POLR1C: variants seen among roughly 807,000 people sequenced by gnomAD.
The protein encoded by POLR1C is RNA polymerase I and III subunit C.
A neutral mutation model predicts 38.3 loss-of-function variants in POLR1C; 42 were observed. That is an observed-to-expected ratio of 1.10 (90% CI 0.86 to 1.42). The LOEUF (loss-of-function observed/expected upper bound fraction) is 1.42, where lower values mean the gene tolerates loss of function less well. Among genes scored for constraint, POLR1C ranks in the 40% most tolerant of loss-of-function variants. The pLI is 0.00. For synonymous variants in POLR1C, 163 were observed against 163.9 expected (o/e 0.99, Z 0.04); for missense variants, 507 against 450.5 (o/e 1.13, Z -1.14).
At chr6:43,535,745 C>T (rs1794273251) in intron 9 of POLR1C, among the ~76,000 whole-genome samples, 2 of 146,746 alleles carry the variant, frequency 1.4e-5, no homozygotes, top group Non-Finnish European at 3.0e-5. Flanking sequence ...ACCCGGGAGG[C>T]GGAGCTTGCA....
rs908639520 is a variant in POLR1C, at chr6:43,528,298, G to A, written c.923-951G>A. ...CAAGTCCACTTCATGATTAAAATTA[G>A]CCAAGGATGATTCTAGGCATCAATG... On this transcript the variant is annotated intron_variant, in intron 8 of 8. Coordinates refer to the POLR1C transcript ENST00000304004. The A allele has an allele frequency of 7.5e-6, 10 of 1,329,594 alleles. No individual in the cohort carries two copies. The African/African-American group carries it at 8.8e-5, about 12-fold the overall frequency. 82.4% of individuals were successfully genotyped at this position (1,329,594 alleles called of 1,614,324 possible).
downstream of POLR1C, chr6:43,531,668 G>T: frequency 9.4e-7 from 1 of 1,064,714 alleles, no homozygotes; most frequent in Non-Finnish European, 1.5e-6. Flanking sequence ...GTTCAGGGGT[G>T]AAGATGTGTG....
rs763176511 is a variant in POLR1C, at chr6:43,517,332, C to T, written c.96C>T (p.Asn32=). Residue 32 remains asparagine, a synonymous_variant, in exon 2 of 9, where the codon AAC becomes AAT. Coordinates refer to ENST00000642195, the MANE Select transcript of POLR1C (RefSeq NM_203290.4). ...RNVHTTDFPG[N]YSGYDDAWDQ... ...TCCATACTACTGACTTTCCCGGTAA[C>T]TATTCCGGTTATGATGATGCCTGGG... The T allele has an allele frequency of 3.1e-6, 5 of 1,614,108 alleles. No homozygotes were observed. The highest frequency in any genetic ancestry group is 4.2e-6 in the Non-Finnish European group (5 of 1,180,016).
intron 9 of POLR1C, among the ~76,000 whole-genome samples, chr6:43,543,407 C>T (rs1260831053): frequency 2.0e-5 from 3 of 152,098 alleles, no homozygotes; most frequent in South Asian, 2.1e-4. Flanking sequence ...GAGCCGTGAT[C>T]GCAACACTGC....
intron 8 of POLR1C, chr6:43,527,145 T>A (rs1210426010): frequency 4.4e-6 from 1 of 224,826 alleles, no homozygotes; most frequent in Non-Finnish European, 9.0e-6. Context: ...TCCTAATGAA[T>A]CCAAATTCCT....
downstream of POLR1C, among the ~76,000 whole-genome samples, chr6:43,531,901 CCTTT>C (rs1242729613): frequency 2.0e-5 from 3 of 152,160 alleles, no homozygotes; most frequent in Non-Finnish European, 4.4e-5. Context: ...TTATGAAACC[CCTTT>C]TTTAAGCAAA....
chr6:43,542,614 C>G (rs760587942), intron 9 of POLR1C, among the ~76,000 whole-genome samples: 2 of 151,734 alleles, frequency 1.3e-5, no homozygotes, highest in Admixed American at 1.3e-4. Context: ...TGAGTAGAGA[C>G]GGGGTTTCAC....
downstream of POLR1C, chr6:43,525,307 T>C: frequency 1.6e-6 from 2 of 1,248,952 alleles, no homozygotes; most frequent in Non-Finnish European, 2.2e-6. Context: ...GTTTTTTTTT[T>C]TTCCTCCCCC....
intron 8 of POLR1C, chr6:43,526,784 G>T: frequency 6.2e-7 from 1 of 1,603,770 alleles, no homozygotes; most frequent in Non-Finnish European, 8.5e-7. Context: ...GTGAAGGGTG[G>T]GTATATACTA....
downstream of POLR1C, chr6:43,524,090 C>T (rs1212673969): frequency 9.2e-6 from 14 of 1,526,182 alleles, no homozygotes; most frequent in Non-Finnish European, 1.1e-5. Context: ...GTGGCTCGCG[C>T]CTGTAATCCC....
chr6:43,540,162 G>C (rs1023553816), intron 9 of POLR1C, among the ~76,000 whole-genome samples: 2 of 152,298 alleles, frequency 1.3e-5, no homozygotes, highest in Admixed American at 6.5e-5. Context: ...GGCCAAGGAG[G>C]GGGGATCACC....
chr6:43,520,490 T>C (rs971469986), intron 6 of POLR1C, 63 bp downstream of exon 6: 5 of 1,606,524 alleles, frequency 3.1e-6, no homozygotes, highest in Non-Finnish European at 4.3e-6. Flanking sequence ...GCAAGCTGAC[T>C]AGGGAACTCA....
chr6:43,529,185 A>C, intron 8 of POLR1C: 1 of 1,460,328 alleles, frequency 6.8e-7, no homozygotes, highest in Non-Finnish European at 9.2e-7. Context: ...AGTAGGAATA[A>C]AAAAATAGGA....
chr6:43,524,181 G>C (rs562561967), downstream of POLR1C, among the ~76,000 whole-genome samples: 13 of 152,134 alleles, frequency 8.5e-5, no homozygotes, highest in East Asian at 2.3e-3. Flanking sequence ...GAGAAACCCC[G>C]TCTCTACTAA....
At chr6:43,560,422 C>T in intron 10 of POLR1C, 1 of 1,242,984 alleles carries the variant, frequency 8.0e-7, no homozygotes, top group South Asian at 1.7e-5. Flanking sequence ...TACTTTGAAG[C>T]TGTCTCTACT....
intron 8 of POLR1C, among the ~76,000 whole-genome samples, chr6:43,528,375 C>A (rs1793732317): frequency 6.6e-6 from 1 of 152,160 alleles, no homozygotes; most frequent in African/African-American, 2.4e-5. Flanking sequence ...TCTATGGTTT[C>A]TGTAACCTAT....
intron 9 of POLR1C, chr6:43,549,915 A>T: frequency 1.2e-6 from 2 of 1,612,266 alleles, no homozygotes; most frequent in Non-Finnish European, 8.5e-7. Context: ...AACAGTTTCA[A>T]AAGTGACAGA....
intron 9 of POLR1C, among the ~76,000 whole-genome samples, chr6:43,547,873 C>T (rs1348134740): frequency 6.6e-6 from 1 of 152,128 alleles, no homozygotes; most frequent in Non-Finnish European, 1.5e-5. Flanking sequence ...GTTTAAATTT[C>T]CCTTCCCACT....
intron 9 of POLR1C, chr6:43,546,782 A>C (rs904588559): frequency 2.0e-6 from 3 of 1,495,248 alleles, no homozygotes; most frequent in African/African-American, 2.9e-5. Flanking sequence ...ACAGATAAAT[A>C]TTAAAAGGAA....
Sources: allele counts gnomAD v4.1 joint callset (sites outside exome capture counted in the v4.1 genomes callset), GRCh38; gene constraint gnomAD v4.1.1; transcripts MANE v1.5; gene names NCBI Gene and HGNC (gene_info 2026-07-23, HGNC 2026-07-21).